KASH5: variants seen among roughly 807,000 people sequenced by gnomAD.
The protein encoded by KASH5 is protein KASH5.
KASH5 carries 72 observed loss-of-function variants against 84.2 expected under a neutral mutation model. That is an observed-to-expected ratio of 0.85 (90% CI 0.71 to 1.04). The LOEUF is 1.04. KASH5 is among the 50% of genes least tolerant of loss of function. The pLI is 0.00. For synonymous variants in KASH5, 260 were observed against 279.1 expected, an observed-to-expected ratio of 0.93 and a Z score of 0.68; for missense variants, 650 against 701.0, an observed-to-expected ratio of 0.93 and a Z score of 0.82.
At chr19:49,408,493 G>A (rs2122195282) in intron 12 of KASH5, among the ~76,000 whole-genome samples, 1 of 151,286 alleles carries the variant, frequency 6.6e-6, no homozygotes, top group Admixed American at 6.6e-5. Flanking sequence ...GTGTCACCCA[G>A]GCTGGAGTGC....
intron 12 of KASH5, among the ~76,000 whole-genome samples, chr19:49,407,959 A>G (rs1349494721): frequency 1.3e-5 from 2 of 151,500 alleles, no homozygotes; most frequent in Non-Finnish European, 2.9e-5. Context: ...CTCTGTCGCT[A>G]GGCTGGAGTG....
intron 15 of KASH5, among the ~76,000 whole-genome samples, chr19:49,411,181 G>A (rs1278697759): frequency 1.3e-5 from 2 of 150,138 alleles, no homozygotes; most frequent in South Asian, 2.1e-4. Context: ...CAAGTGATCC[G>A]CCTACCTCAG....
chr19:49,409,573 T>C (rs563434753), intron 14 of KASH5, among the ~76,000 whole-genome samples, 180 bp from the exon 15 acceptor site: 1 of 152,218 alleles, frequency 6.6e-6, no homozygotes, highest in East Asian at 1.9e-4. Flanking sequence ...TAGACCTTGG[T>C]CCTGGCACCA....
At position 49,414,804 on chromosome 19, in the gene KASH5, C is replaced by G; in HGVS notation, c.1329-147C>G. 1 of 681,576 alleles carries G rather than the reference C, an allele frequency of 1.5e-6. No individual in the cohort carries two copies. Among genetic ancestry groups the G allele is most frequent in the Non-Finnish European group, 2.7e-6 (1 of 376,420 alleles). 42.2% of individuals were successfully genotyped at this position (681,576 alleles called of 1,614,324 possible). On this transcript the variant is annotated intron_variant, in intron 16 of 19. Coordinates refer to ENST00000447857, the MANE Select transcript of KASH5 (RefSeq NM_144688.5). This position sits in a 1 kb window ranked among gnomAD's most constrained non-coding sequence, Gnocchi z 4.5. ...GCTGCCTGGCCTCCCCCAGGCCCGT[C>G]CGTGCTGCCTGGCCTCCCCCAGGCC...
At chr19:49,394,384 C>G in intron 2 of KASH5, 92 bp from the exon 3 acceptor site, 2 of 954,802 alleles carry the variant, frequency 2.1e-6, no homozygotes, top group East Asian at 2.4e-5. Context: ...ATTCCCTCCC[C>G]GCTACAGAGC....
At position 49,402,774 on chromosome 19, in the gene KASH5, C is replaced by T. The variant is rs543552128; in HGVS notation, c.798+3267C>T. 2.6e-5 allele frequency among the ~76,000 whole-genome samples: 4 copies of T among 152,274 alleles called. No individual in the cohort carries two copies. The South Asian group carries it at 8.3e-4, about 32-fold the overall frequency. ...TGGCAGAACTTCCTGCCTTACAGTT[C>T]ATTGCCATTCAGCCATTATAACCAG... is the stretch of plus-strand genomic sequence containing the variant. On this transcript the variant is annotated intron_variant, in intron 9 of 19. Transcript: ENST00000447857.
In KASH5 at chr19:49,399,259, T is replaced by C; in HGVS notation, c.747+117T>C. ...CAGAGGTCACCTGGCTTTCTCCCTCTCTCCAGGCCCTGCTCACCCTAGACT... is the reference window on the plus strand; with the variant it reads ...CAGAGGTCACCTGGCTTTCTCCCTCCCTCCAGGCCCTGCTCACCCTAGACT... On this transcript the variant is annotated intron_variant, in intron 8 of 19. Coordinates refer to ENST00000447857, the MANE Select transcript of KASH5 (RefSeq NM_144688.5). The surrounding 1 kb of genome is among the most constrained non-coding windows in gnomAD (Gnocchi z 4.4). 1.0e-6 allele frequency: 1 copy of C among 981,448 alleles called. No individual in the cohort carries two copies. The allele number at this position is 981,448 out of a possible 1,614,324, so 60.8% of individuals were successfully genotyped here. A position where few individuals can be genotyped will look rare whatever the true frequency, so the allele number is the denominator to read the frequency against.
chr19:49,397,574 C>T (rs915884455), intron 5 of KASH5, 77 bp from the exon 6 acceptor site: 1 of 1,355,170 alleles, frequency 7.4e-7, no homozygotes, highest in Non-Finnish European at 1.1e-6. Context: ...CAGATGGAGT[C>T]CAACCTCAGA....
Position 49,417,508 on chromosome 19 carries a change from T to C in KASH5, c.1687T>C (p.Ter563ArgextTer11). The C allele has an allele frequency of 1.3e-6, 2 of 1,533,816 alleles. No homozygotes were observed. Among genetic ancestry groups the C allele is most frequent in the Non-Finnish European group, 1.8e-6 (2 of 1,137,252 alleles). Reference protein sequence around the residue: ...QLCYLQPPPV* With the variant: ...QLCYLQPPPVR ...CTGCTACCTCCAGCCCCCTCCAGTGTGAGAGGCTCTACTTGCCCCTCAGAG... is the reference window on the plus strand; with the variant it reads ...CTGCTACCTCCAGCCCCCTCCAGTGCGAGAGGCTCTACTTGCCCCTCAGAG... The change falls in exon 20 of 20, where the codon TGA (stop) becomes CGA (arginine). Residue 563 changes from the stop codon to arginine (R), a stop_lost. Coordinates refer to ENST00000447857, the MANE Select transcript of KASH5 (RefSeq NM_144688.5). The surrounding 1 kb of genome is among the most constrained non-coding windows in gnomAD (Gnocchi z 5.2).
In KASH5 at chr19:49,410,033, A is replaced by C. The variant is rs373067397; in HGVS notation, c.1269+158A>C. Among the ~76,000 whole-genome samples, 7 of 152,368 alleles carry C rather than the reference A, an allele frequency of 4.6e-5. No homozygotes were observed. In the East Asian group the frequency reaches 1.2e-3, roughly 25 times the overall value. ...AGTGTGTGCTGGACACCCAGCCACA[A>C]GCCAGACCAGACACCACCCCTACCC... On this transcript the variant is annotated intron_variant, in intron 15 of 19. Coordinates refer to ENST00000447857, the MANE Select transcript of KASH5 (RefSeq NM_144688.5).
Position 49,395,162 on chromosome 19 carries a change from C to A in KASH5, c.205C>A (p.Pro69Thr). ...CCTGGAGGCTGTGACAGGCCAGGGC[C>A]CCCAGGATGCACGCCTCCAAACATT... ...AYLEAVTGQG[P>T]QDARLQTLAN... Residue 69 changes from proline to threonine, a missense_variant, in exon 4 of 20, where the codon CCC becomes ACC. Coordinates refer to ENST00000447857, the MANE Select transcript of KASH5 (RefSeq NM_144688.5). The surrounding 1 kb of genome is among the most constrained non-coding windows in gnomAD (Gnocchi z 4.4). 6.2e-7 allele frequency: 1 copy of A among 1,613,056 alleles called. No individual in the cohort carries two copies. The highest frequency in any genetic ancestry group is 1.1e-5 in the South Asian group (1 of 91,032).
chr19:49,400,747 A>AT (rs1160473297), intron 9 of KASH5, among the ~76,000 whole-genome samples: 1 of 152,122 alleles, frequency 6.6e-6, no homozygotes, highest in African/African-American at 2.4e-5. Flanking sequence ...TGTTTTGAGG[A>AT]TTGACAGCAT....
chr19:49,394,752 G>A (rs1047896939), intron 3 of KASH5, 172 bp downstream of exon 3: 1 of 606,152 alleles, frequency 1.6e-6, no homozygotes, highest in Non-Finnish European at 2.9e-6. Flanking sequence ...ATAATGGGGT[G>A]AAGGCCTTTT....
At chr19:49,403,158 C>A (rs1317237597) in intron 9 of KASH5, among the ~76,000 whole-genome samples, 5 of 152,178 alleles carry the variant, frequency 3.3e-5, no homozygotes, top group Non-Finnish European at 5.9e-5. Flanking sequence ...GAGATCGAGA[C>A]TATCCTGGCT....
At chr19:49,392,182 G>C (rs541666123) in intron 2 of KASH5, among the ~76,000 whole-genome samples, 191 of 152,158 alleles carry the variant, frequency 1.3e-3, no homozygotes, top group Non-Finnish European at 1.5e-3. Context: ...GAAGGCAAAG[G>C]GAAAAAGAAA....
Position 49,395,405 on chromosome 19 carries a change from G to T in KASH5, c.335+113G>T, listed in dbSNP as rs8112806. The T allele has an allele frequency of 4.4e-4, 505 of 1,135,978 alleles. 4 individuals carry two copies. In the African/African-American group the frequency reaches 7.1e-3, roughly 16 times the overall value. The allele number at this position is 1,135,978 out of a possible 1,614,324, so 70.4% of individuals were successfully genotyped here. A position where few individuals can be genotyped will look rare whatever the true frequency, so the allele number is the denominator to read the frequency against. On this transcript the variant is annotated intron_variant, in intron 4 of 19. Coordinates refer to ENST00000447857, the MANE Select transcript of KASH5 (RefSeq NM_144688.5). The surrounding 1 kb of genome is among the most constrained non-coding windows in gnomAD (Gnocchi z 4.4). ...CCCAAGGACCTACTGTGTTTGGAATGAGGCTGTGGAGAGAAAAATGAAGAG... is the reference window on the plus strand; with the variant it reads ...CCCAAGGACCTACTGTGTTTGGAATTAGGCTGTGGAGAGAAAAATGAAGAG...
chr19:49,391,014 G>T (rs957567219), intron 2 of KASH5, 88 bp downstream of exon 2: 1 of 1,470,918 alleles, frequency 6.8e-7, no homozygotes, highest in Non-Finnish European at 9.4e-7. Context: ...GGGGACTTGG[G>T]AGAGGTGGCT....
Position 49,407,254 on chromosome 19 carries a change from G to A in KASH5, c.891G>A (p.Glu297=), listed in dbSNP as rs933058578. 6.2e-6 allele frequency: 10 copies of A among 1,613,784 alleles called. No homozygotes were observed. Among genetic ancestry groups the A allele is most frequent in the African/African-American group, 1.3e-5 (1 of 74,882 alleles). The change falls in exon 11 of 20, where the codon GAG becomes GAA. Residue 297 remains glutamate (E), a synonymous_variant. Coordinates refer to ENST00000447857, the MANE Select transcript of KASH5 (RefSeq NM_144688.5). ...TTTCTTGGCAGCGGCAGCTCTTTGA[G>A]TGTGAACACCTCATTTGCCAAAGAG... ...EKDTLKRQLF[E]CEHLICQRDT...
In KASH5 at chr19:49,398,080, C is replaced by A; in HGVS notation, c.566C>A (p.Thr189Lys). 1 of 1,613,302 alleles carries A rather than the reference C, an allele frequency of 6.2e-7. No individual in the cohort carries two copies. Among genetic ancestry groups the A allele is most frequent in the South Asian group, 1.1e-5 (1 of 91,044 alleles). ...GCCAAATTGCAGCGGAGCATGGAGA[C>A]AGCTGAGGAGGGGTCAGCACGCCTT... ...ENAKLQRSME[T>K]AEEGSARLGE... The change falls in exon 7 of 20, where the codon ACA becomes AAA. Residue 189 changes from threonine to lysine, a missense_variant. Physicochemically the swap from Thr to Lys is moderately conservative, Grantham distance 78. Coordinates refer to ENST00000447857, the MANE Select transcript of KASH5 (RefSeq NM_144688.5).
Sources: allele counts gnomAD v4.1 joint callset (sites outside exome capture counted in the v4.1 genomes callset), GRCh38; gene constraint gnomAD v4.1.1; non-coding constraint Gnocchi (gnomAD v3.1); transcripts MANE v1.5; gene names NCBI Gene and HGNC (gene_info 2026-07-23, HGNC 2026-07-21).